IGSF10: variants seen among roughly 807,000 people sequenced by gnomAD.
The protein encoded by IGSF10 is calvaria mechanical force protein 608.
In IGSF10, 126 loss-of-function variants were observed where a neutral mutation model predicts 128.2. The ratio of observed to expected loss-of-function variants is 0.98; its 90% CI spans 0.85 to 1.14. The LOEUF is 1.14. Among genes scored for constraint, IGSF10 ranks in the 50% most tolerant of loss-of-function variants. IGSF10 has a pLI of 0.00. For synonymous variants in IGSF10, 1,185 were observed against 1,146.2 expected, an observed-to-expected ratio of 1.03 and a Z score of -0.68; for missense variants, 3,295 against 3,149.8, an observed-to-expected ratio of 1.05 and a Z score of -1.10.
the IGSF10 span, among the ~76,000 whole-genome samples, chr3:151,554,956 A>C: frequency 6.6e-6 from 1 of 152,172 alleles, no homozygotes; most frequent in African/African-American, 2.4e-5. Context: ...GCAGCACTAC[A>C]TTGTGGTAAT....
chr3:151,551,448 A>G, the IGSF10 span, among the ~76,000 whole-genome samples: 1 of 151,750 alleles, frequency 6.6e-6, no homozygotes, highest in Admixed American at 6.6e-5. Context: ...TCACCTCAAT[A>G]ACGCATTTTT....
At chr3:151,588,878 T>C in the IGSF10 span, among the ~76,000 whole-genome samples, 2 of 152,168 alleles carry the variant, frequency 1.3e-5, no homozygotes, top group African/African-American at 4.8e-5. Flanking sequence ...TTGCTATGAA[T>C]GCATAGTCAA....
chr3:151,527,707 T>C, the IGSF10 span, among the ~76,000 whole-genome samples: 2 of 152,140 alleles, frequency 1.3e-5, no homozygotes, highest in Admixed American at 1.3e-4. Flanking sequence ...CCCAGCACTT[T>C]GGAAGGCTGA....
At chr3:151,537,414 G>A in the IGSF10 span, among the ~76,000 whole-genome samples, 3 of 152,238 alleles carry the variant, frequency 2.0e-5, no homozygotes, top group Non-Finnish European at 2.9e-5. Context: ...GGTTGAGGCC[G>A]AGAAGAAAGA....
chr3:151,548,101 T>C, the IGSF10 span, among the ~76,000 whole-genome samples: 34 of 152,268 alleles, frequency 2.2e-4, no homozygotes, highest in African/African-American at 7.9e-4. Flanking sequence ...CACATTATAG[T>C]GGAAGTGATG....
chr3:151,590,328 C>G, the IGSF10 span, among the ~76,000 whole-genome samples: 1 of 152,066 alleles, frequency 6.6e-6, no homozygotes, highest in Non-Finnish European at 1.5e-5. Flanking sequence ...GCATGAGCCA[C>G]CGTGCCCAGC....
the IGSF10 span, chr3:151,565,912 T>A: frequency 4.6e-5 from 7 of 151,858 alleles, no homozygotes; most frequent in Non-Finnish European, 8.8e-5. Flanking sequence ...TCACCTGATT[T>A]CTACCAATCT....
At chr3:151,442,620 C>T (rs1720928402) in intron 7 of IGSF10, among the ~76,000 whole-genome samples, 1 of 150,368 alleles carries the variant, frequency 6.7e-6, no homozygotes, top group Admixed American at 6.6e-5. Context: ...AACTCCTGAC[C>T]TCAGGTGATC....
the IGSF10 span, among the ~76,000 whole-genome samples, chr3:151,518,484 G>A: frequency 3.6e-4 from 54 of 152,106 alleles, no homozygotes; most frequent in African/African-American, 1.3e-3. Context: ...AGGTTAGGAA[G>A]AAAATGTTTA....
At position 151,448,151 on chromosome 3, in the gene IGSF10, T is replaced by G; in HGVS notation, c.1830A>C (p.Pro610=). 1 of 1,614,206 alleles carries G rather than the reference T, an allele frequency of 6.2e-7. No individual in the cohort carries two copies. The highest frequency in any genetic ancestry group is 8.5e-7 in the Non-Finnish European group (1 of 1,180,032). Residue 610 remains proline (P), a synonymous_variant, in exon 6 of 8, where the codon CCA becomes CCC. Coordinates refer to ENST00000282466, the MANE Select transcript of IGSF10 (RefSeq NM_178822.5). ...IPDASISWVI[P]GNNVLYQSSR... ...ATGACTGATAGAGCACATTGTTTCC[T>G]GGAATAACCCAGCTAATAGAGGCAT...
intron 7 of IGSF10, among the ~76,000 whole-genome samples, chr3:151,442,715 A>G (rs1577665646): frequency 6.6e-6 from 1 of 152,064 alleles, no homozygotes; most frequent in East Asian, 1.9e-4. Flanking sequence ...AAACTGTGCC[A>G]AGTATGGAGA....
At chr3:151,614,892 TAA>T in the IGSF10 span, among the ~76,000 whole-genome samples, 21 of 123,240 alleles carry the variant, frequency 1.7e-4, no homozygotes, top group Admixed American at 4.0e-4. Context: ...ACAGAAACAG[TAA>T]AAAAAAAAAA....
At chr3:151,595,847 TA>T in the IGSF10 span, among the ~76,000 whole-genome samples, 1 of 151,894 alleles carries the variant, frequency 6.6e-6, no homozygotes, top group African/African-American at 2.4e-5. Flanking sequence ...AAGTTGCAGT[TA>T]CGTAGTGGAA....
chr3:151,449,993 G>A (rs1721434510), intron 5 of IGSF10, among the ~76,000 whole-genome samples: 2 of 152,184 alleles, frequency 1.3e-5, no homozygotes, highest in Admixed American at 1.3e-4. Flanking sequence ...TGAGGTAGAT[G>A]CACTAGAGCA....
At chr3:151,614,037 A>G in the IGSF10 span, among the ~76,000 whole-genome samples, 1 of 152,246 alleles carries the variant, frequency 6.6e-6, no homozygotes, top group African/African-American at 2.4e-5. Context: ...TCTCAAAAGA[A>G]GACATTTATG....
the IGSF10 span, among the ~76,000 whole-genome samples, chr3:151,546,664 A>G: frequency 6.6e-6 from 1 of 152,132 alleles, no homozygotes; most frequent in Admixed American, 6.5e-5. Context: ...TTATATACAC[A>G]TAAATTGCTT....
the IGSF10 span, among the ~76,000 whole-genome samples, chr3:151,488,167 C>G: frequency 2.0e-5 from 3 of 152,102 alleles, no homozygotes; most frequent in Non-Finnish European, 4.4e-5. Context: ...AAATCACAAG[C>G]ATTCCTATAC....
the IGSF10 span, among the ~76,000 whole-genome samples, chr3:151,547,375 A>G: frequency 6.6e-6 from 1 of 151,864 alleles, no homozygotes; most frequent in Non-Finnish European, 1.5e-5. Flanking sequence ...TTAGTAATTA[A>G]TCTTACTTTT....
Position 151,446,002 on chromosome 3 carries a change from C to G in IGSF10, c.3979G>C (p.Ala1327Pro), listed in dbSNP as rs1290997415. ...TGGGTTTCATAAGTGATGACAGATGCAGGGAAGGTAGGAGTTGTTGCTGGT... is the reference window on the plus strand; with the variant it reads ...TGGGTTTCATAAGTGATGACAGATGGAGGGAAGGTAGGAGTTGTTGCTGGT... ...AIPATTPTFP[A>P]SVITYETQTE... The change falls in exon 6 of 8, where the codon GCA becomes CCA. Residue 1327 changes from alanine to proline, a missense_variant. Transcript: ENST00000282466. 10 of 1,614,146 alleles carry G rather than the reference C, an allele frequency of 6.2e-6. No individual in the cohort carries two copies. Among genetic ancestry groups the G allele is most frequent in the Non-Finnish European group, 7.6e-6 (9 of 1,180,026 alleles).
Sources: gnomAD v4.1 joint callset for allele counts (sites outside exome capture counted in the v4.1 genomes callset) on GRCh38, gnomAD v4.1.1 for gene constraint, MANE v1.5 for transcripts, NCBI Gene and HGNC (gene_info 2026-07-23, HGNC 2026-07-21) for gene names.